TMPRSS7: variants seen among roughly 807,000 people sequenced by gnomAD.
The protein encoded by TMPRSS7 is transmembrane serine protease 7, also known as transmembrane protease serine 7.
A neutral mutation model predicts 95.6 loss-of-function variants in TMPRSS7; 81 were observed. That is an observed-to-expected ratio of 0.85 (90% CI 0.71 to 1.02). TMPRSS7 has a LOEUF of 1.02. TMPRSS7 is among the 50% of genes least tolerant of loss of function. The probability of loss-of-function intolerance (pLI) is 0.00; values close to 1 mark genes in which losing one functional copy is unlikely to be tolerated. For synonymous variants in TMPRSS7, 364 were observed against 337.8 expected, an observed-to-expected ratio of 1.08 and a Z score of -0.85; for missense variants, 945 against 955.2, an observed-to-expected ratio of 0.99 and a Z score of 0.14.
intron 9 of TMPRSS7, among the ~76,000 whole-genome samples, chr3:112,051,144 T>C (rs982302627): frequency 1.3e-5 from 2 of 152,160 alleles, no homozygotes; most frequent in Admixed American, 6.5e-5. Flanking sequence ...GATTAGGCAA[T>C]ACAGTCAGCC....
chr3:112,049,289 C>A (rs539735401), intron 7 of TMPRSS7, among the ~76,000 whole-genome samples: 1 of 152,276 alleles, frequency 6.6e-6, no homozygotes, highest in Non-Finnish European at 1.5e-5. Flanking sequence ...CCACTCCCAC[C>A]CTGTGGAGTG....
At chr3:112,035,606 T>A (rs2073145538) in intron 1 of TMPRSS7, among the ~76,000 whole-genome samples, 1 of 152,236 alleles carries the variant, frequency 6.6e-6, no homozygotes, top group Non-Finnish European at 1.5e-5. Flanking sequence ...GAGAGATTAT[T>A]TCTTTGGCAT....
At chr3:112,068,991 C>T (rs1489851468) in intron 13 of TMPRSS7, among the ~76,000 whole-genome samples, 1 of 152,128 alleles carries the variant, frequency 6.6e-6, no homozygotes, top group African/African-American at 2.4e-5. Flanking sequence ...TTTTGAAATA[C>T]ATTCCATCAA....
chr3:112,066,910 A>G (rs2073584736), intron 13 of TMPRSS7, among the ~76,000 whole-genome samples: 1 of 152,018 alleles, frequency 6.6e-6, no homozygotes, highest in Non-Finnish European at 1.5e-5. Context: ...TACTTGTGCC[A>G]TGTTGGTTTG....
intron 10 of TMPRSS7, among the ~76,000 whole-genome samples, chr3:112,058,916 C>T (rs1385640191): frequency 6.6e-6 from 1 of 152,160 alleles, no homozygotes; most frequent in African/African-American, 2.4e-5. Context: ...TGCTTCTTTA[C>T]CCTCAGGATT....
intron 9 of TMPRSS7, 59 bp from the exon 10 acceptor site, chr3:112,056,966 T>C (rs2107748786): frequency 4.9e-6 from 6 of 1,224,472 alleles, no homozygotes; most frequent in Non-Finnish European, 7.1e-6. Flanking sequence ...GCCAAGGGAA[T>C]AAGTAAATAC....
intron 15 of TMPRSS7, 101 bp from the exon 16 acceptor site, chr3:112,076,775 A>C: frequency 6.8e-6 from 9 of 1,330,128 alleles, no homozygotes; most frequent in Non-Finnish European, 9.4e-6. Context: ...CCTGGAAGTC[A>C]GGCCCTTCTT....
chr3:112,060,487 C>T (rs2073488161), intron 10 of TMPRSS7, among the ~76,000 whole-genome samples: 1 of 152,168 alleles, frequency 6.6e-6, no homozygotes, highest in Non-Finnish European at 1.5e-5. Context: ...CCCTCAGGGG[C>T]ACATTCTCTT....
chr3:112,077,233 G>C, intron 16 of TMPRSS7, 89 bp downstream of exon 16: 2 of 1,443,740 alleles, frequency 1.4e-6, no homozygotes, highest in Non-Finnish European at 1.9e-6. Flanking sequence ...GAGAGGGTTT[G>C]TGTATATGAT....
chr3:112,074,501 C>T, intron 14 of TMPRSS7, 89 bp downstream of exon 14: 4 of 1,013,786 alleles, frequency 3.9e-6, no homozygotes, highest in Non-Finnish European at 5.8e-6. Flanking sequence ...GGTGTATTTC[C>T]CTTGATCGAG....
chr3:112,042,079 G>T, intron 3 of TMPRSS7, 29 bp downstream of exon 3: 1 of 1,538,808 alleles, frequency 6.5e-7, no homozygotes, highest in African/African-American at 1.4e-5. Flanking sequence ...AGGGTATTAG[G>T]GTAGAGTGGG....
intron 3 of TMPRSS7, among the ~76,000 whole-genome samples, chr3:112,043,792 G>C (rs1183349304): frequency 6.6e-6 from 1 of 152,134 alleles, no homozygotes; most frequent in East Asian, 1.9e-4. Context: ...GTTATGAAGG[G>C]GGCTGGTAGA....
chr3:112,075,427 C>T (rs777272989), exon 15 of TMPRSS7: 2 of 1,553,500 alleles, frequency 1.3e-6, no homozygotes, highest in Non-Finnish European at 8.7e-7. Context: ...GATCTGCCTA[C>T]TGTGGTGCCT....
rs768969100 is a variant in TMPRSS7, at chr3:112,063,619, T to C, written c.1542T>C (p.Asp514=). ...TAAATGACTGCTTTGATGAAAGTGA[T>C]GAACTGTTTTGCGGTGGGTATTCAA... Residue 514 remains aspartate (D), a synonymous_variant, in exon 12 of 18, where the codon GAT becomes GAC. Transcript: ENST00000452346. 3.1e-6 allele frequency: 5 copies of C among 1,613,994 alleles called. No homozygotes were observed. In the Admixed American group the frequency reaches 8.3e-5, roughly 27 times the overall value.
Position 112,061,910 on chromosome 3 carries a change from C to A in TMPRSS7, c.1434C>A (p.Tyr478Ter). The A allele has an allele frequency of 6.2e-7, 1 of 1,609,180 alleles. No homozygotes were observed. The highest frequency in any genetic ancestry group is 8.5e-7 in the Non-Finnish European group (1 of 1,177,460). ...CACTTTTGGCAGAATATGGCAGTTA[C>A]AACATCAGTCAACGTAAGCCTAGGA... Residue 478 changes from tyrosine (Y) to a stop codon, truncating the protein, a stop_gained, in exon 11 of 18, where the codon TAC (tyrosine) becomes TAA (stop). Transcript: ENST00000452346. LOFTEE classifies it high-confidence loss of function.
rs201190006 is a variant in TMPRSS7 at position 112,070,776 on chromosome 3, T to TTTATTA, written c.1667-3506_1667-3501dup. On this transcript the variant is annotated intron_variant, in intron 13 of 17. Coordinates refer to ENST00000452346, the Ensembl canonical transcript of TMPRSS7. ...CAGCACACTGATGGGTCTTGACTCT[T>TTTATTA]TTATTATTATTATTATTATACTTTA... Among the ~76,000 whole-genome samples the TTTATTA allele has an allele frequency of 5.7e-3, 860 of 151,910 alleles. 12 individuals are homozygous for TTTATTA. Among genetic ancestry groups the TTTATTA allele is most frequent in the African/African-American group, 0.02 (824 of 41,476 alleles).
intron 10 of TMPRSS7, among the ~76,000 whole-genome samples, chr3:112,059,784 C>T (rs2073476892): frequency 1.3e-5 from 2 of 152,330 alleles, no homozygotes; most frequent in African/African-American, 2.4e-5. Context: ...TCCTGAAAAA[C>T]ACATGAATGC....
chr3:112,052,260 C>T (rs1284161535), intron 9 of TMPRSS7, among the ~76,000 whole-genome samples: 2 of 151,950 alleles, frequency 1.3e-5, no homozygotes, highest in East Asian at 1.9e-4. Context: ...GCGGATAAAC[C>T]TGAAAGATGA....
exon 16 of TMPRSS7, chr3:112,077,048 C>A: frequency 1.2e-6 from 2 of 1,614,206 alleles, no homozygotes; most frequent in Non-Finnish European, 1.7e-6. Context: ...GACCCTGAAA[C>A]AGCTCATTCA....
Sources: gnomAD v4.1 joint callset for allele counts (sites outside exome capture counted in the v4.1 genomes callset) on GRCh38, gnomAD v4.1.1 for gene constraint, MANE v1.5 for transcripts, NCBI Gene and HGNC (gene_info 2026-07-23, HGNC 2026-07-21) for gene names.